RIOK1: variants seen among roughly 807,000 people sequenced by gnomAD.
RIOK1 encodes the protein RIO kinase 1.
Under a neutral mutation model 73.5 loss-of-function variants are expected in RIOK1, and 66 were observed. The ratio of observed to expected loss-of-function variants is 0.90; its 90% confidence interval spans 0.74 to 1.10. The LOEUF is 1.10. Among genes scored for constraint, RIOK1 ranks in the 50% least tolerant of loss-of-function variants. The pLI is 0.00. For synonymous variants in RIOK1, 224 were observed against 226.8 expected, an observed-to-expected ratio of 0.99 and a Z score of 0.11; for missense variants, 658 against 699.8, an observed-to-expected ratio of 0.94 and a Z score of 0.67.
chr6:7,399,493 C>T (rs561372710), intron 5 of RIOK1, among the ~76,000 whole-genome samples: 2 of 152,270 alleles, frequency 1.3e-5, no homozygotes, highest in East Asian at 3.9e-4. Context: ...GTTTCAAAGA[C>T]CCTAAATAAC....
intron 12 of RIOK1, among the ~76,000 whole-genome samples, chr6:7,408,790 C>T (rs571988393): frequency 4.7e-5 from 7 of 150,030 alleles, no homozygotes; most frequent in South Asian, 2.1e-4. Context: ...GGGGCAATCT[C>T]GGCTCACTGC....
At chr6:7,406,343 A>G (rs1761746395) in intron 12 of RIOK1, among the ~76,000 whole-genome samples, 1 of 152,140 alleles carries the variant, frequency 6.6e-6, no homozygotes, top group Non-Finnish European at 1.5e-5. Context: ...CTGGTAAAAG[A>G]CATAATATAA....
rs76711000 is a variant in RIOK1, at chr6:7,413,653, A to G, written c.1444-585A>G. Reference sequence around the variant, plus strand: ...ATGCTTTGGATTCCAGAGCATGAAGATTTTATTGCAGCAAGCTAGAAAATC... The same window carrying G: ...ATGCTTTGGATTCCAGAGCATGAAGGTTTTATTGCAGCAAGCTAGAAAATC... On this transcript the variant is annotated intron_variant, in intron 15 of 16. Transcript: ENST00000379834. Among the ~76,000 whole-genome samples the G allele has an allele frequency of 3.5e-4, 54 of 152,314 alleles. 1 individual carries two copies. The East Asian group carries it at 0.01, about 29-fold the overall frequency.
chr6:7,393,735 A>G (rs992330753), intron 2 of RIOK1, among the ~76,000 whole-genome samples: 2 of 152,250 alleles, frequency 1.3e-5, no homozygotes, highest in Non-Finnish European at 2.9e-5. Context: ...ACTTACTTGT[A>G]GGATAAGCTG....
At chr6:7,391,096 G>T (rs948363952) in intron 1 of RIOK1, among the ~76,000 whole-genome samples, 2 of 152,130 alleles carry the variant, frequency 1.3e-5, no homozygotes, top group African/African-American at 4.8e-5. Context: ...AAACATATTG[G>T]AGTTATTTTG....
chr6:7,404,951 G>A lies in RIOK1; in HGVS notation c.1026G>A (p.Val342=), dbSNP rs372026063. 1 of 1,614,170 alleles carries A rather than the reference G, an allele frequency of 6.2e-7. No individual in the cohort carries two copies. Residue 342 remains valine (V), a synonymous_variant, in exon 11 of 17, where the codon GTG becomes GTA. Coordinates refer to ENST00000379834, the MANE Select transcript of RIOK1 (RefSeq NM_031480.3). ...GTGGAGGCGTGTATATCATTGACGTGTCTCAGTCCGTGGAGCACGACCACC... is the reference window on the plus strand; with the variant it reads ...GTGGAGGCGTGTATATCATTGACGTATCTCAGTCCGTGGAGCACGACCACC... ...YHGGGVYIID[V]SQSVEHDHPH... is the part of the protein sequence containing the mutation.
chr6:7,414,639 T>G (rs565242965), intron 16 of RIOK1, among the ~76,000 whole-genome samples: 26 of 152,276 alleles, frequency 1.7e-4, no homozygotes, highest in Admixed American at 3.3e-4. Flanking sequence ...ACATTTCACA[T>G]GAAGTACAAG....
At chr6:7,400,882 T>C in intron 5 of RIOK1, 76 bp from the exon 6 acceptor site, 1 of 817,806 alleles carries the variant, frequency 1.2e-6, no homozygotes, top group South Asian at 1.5e-5. Context: ...CTGCTGTTTA[T>C]TGATTGTCAC....
In RIOK1 at chr6:7,402,585, T is replaced by C. The variant is rs773873997; in HGVS notation, c.574-18T>C. On this transcript the variant is annotated intron_variant, in intron 6 of 16. Transcript: ENST00000379834. ...TTTAACATAAACTTCATTTTCTTTT[T>C]TTTTTGACTTAATATAGGCTAATGT... is the stretch of plus-strand genomic sequence containing the variant. 3.2e-6 allele frequency: 5 copies of C among 1,548,864 alleles called. No individual in the cohort carries two copies. Among genetic ancestry groups the C allele is most frequent in the Non-Finnish European group, 3.5e-6 (4 of 1,150,410 alleles).
Position 7,412,929 on chromosome 6 carries a change from C to A in RIOK1, c.1430C>A (p.Ser477Ter). The A allele has an allele frequency of 1.9e-6, 3 of 1,557,260 alleles. No homozygotes were observed. The highest frequency in any genetic ancestry group is 1.2e-5 in the South Asian group (1 of 81,622). ...GTTACAGGATTGAAGAAAGATTTGT[C>A]AGGAGTTCAGAAGGTATGAAGAACA... is the stretch of plus-strand genomic sequence containing the variant. Reference protein sequence around the residue: ...QTVTGLKKDLSGVQKVPALLE... With the variant: ...QTVTGLKKDL The change falls in exon 15 of 17, where the codon TCA becomes TAA. Residue 477 changes from serine (S) to a stop codon, truncating the protein, a stop_gained. Transcript: ENST00000379834. LOFTEE classifies it high-confidence loss of function.
chr6:7,395,067 C>T lies in RIOK1; in HGVS notation c.291C>T (p.Thr97=). 1 of 1,613,842 alleles carries T rather than the reference C, an allele frequency of 6.2e-7. No individual in the cohort carries two copies. Among genetic ancestry groups the T allele is most frequent in the East Asian group, 2.2e-5 (1 of 44,880 alleles). ...TTCCCTTCTAGGCAAATCGACAGAC[C>T]TCCGACAGCAGTTCAGCCAAAATGT... ...GGSNPQANRQ[T]SDSSSAKMST... The change falls in exon 3 of 17, where the codon ACC becomes ACT. Residue 97 remains threonine (T), a synonymous_variant. Transcript: ENST00000379834.
intron 1 of RIOK1, among the ~76,000 whole-genome samples, chr6:7,392,405 T>C (rs757290584): frequency 1.3e-5 from 2 of 152,202 alleles, no homozygotes; most frequent in Non-Finnish European, 2.9e-5. Context: ...CAGGGATGAT[T>C]TGGATTTCTT....
At chr6:7,405,790 C>T (rs10458210) in intron 12 of RIOK1, among the ~76,000 whole-genome samples, 61,617 of 142,496 alleles carry the variant, frequency 0.43, 15,106 homozygotes, top group South Asian at 0.58. Flanking sequence ...TTTTTTTTTT[C>T]CTTTTTTTTT....
chr6:7,410,277 A>G (rs1761854983), intron 12 of RIOK1, 109 bp from the exon 13 acceptor site: 1 of 719,116 alleles, frequency 1.4e-6, no homozygotes. Context: ...CCTAAGTGTG[A>G]GGAGGTGATA....
intron 8 of RIOK1, among the ~76,000 whole-genome samples, chr6:7,403,599 A>C (rs935151014): frequency 6.6e-6 from 1 of 152,236 alleles, no homozygotes; most frequent in Non-Finnish European, 1.5e-5. Flanking sequence ...ATTTTTATTA[A>C]GCATTTTTCA....
chr6:7,416,372 G>A (rs1761999917), intron 16 of RIOK1, among the ~76,000 whole-genome samples: 1 of 152,204 alleles, frequency 6.6e-6, no homozygotes, highest in African/African-American at 2.4e-5. Context: ...AGCTCAGCTG[G>A]GCGCGGTGGC....
Position 7,417,391 on chromosome 6 carries a change from C to A in RIOK1, c.1657C>A (p.His553Asn). The change falls in exon 17 of 17, where the codon CAT (histidine) becomes AAT (asparagine). Residue 553 changes from histidine to asparagine, a missense_variant. His to Asn is a moderately conservative substitution (Grantham distance 68, BLOSUM62 1). Coordinates refer to ENST00000379834, the MANE Select transcript of RIOK1 (RefSeq NM_031480.3). ...REKRKNKIPK[H>N]VKKRKEKTAK... Reference sequence around the variant, plus strand: ...GAAAAGAAAAAACAAAATTCCTAAACATGTGAAAAAAAGAAAGGAGAAGAC... The same window carrying A: ...GAAAAGAAAAAACAAAATTCCTAAAAATGTGAAAAAAAGAAAGGAGAAGAC... 1 of 1,568,854 alleles carries A rather than the reference C, an allele frequency of 6.4e-7. No homozygotes were observed. Among genetic ancestry groups the A allele is most frequent in the Non-Finnish European group, 8.6e-7 (1 of 1,156,536 alleles).
At chr6:7,391,560 T>C (rs1761341462) in intron 1 of RIOK1, among the ~76,000 whole-genome samples, 1 of 152,124 alleles carries the variant, frequency 6.6e-6, no homozygotes, top group African/African-American at 2.4e-5. Context: ...TTAATGGTAA[T>C]GAGAGGGCAC....
intron 16 of RIOK1, among the ~76,000 whole-genome samples, chr6:7,417,040 TCGAGACCAGC>T (rs1762022234): frequency 6.6e-6 from 1 of 151,922 alleles, no homozygotes; most frequent in African/African-American, 2.4e-5. Context: ...GCCCAGGAGG[TCGAGACCAGC>T]CTGTGCAATC....
Sources: allele counts gnomAD v4.1 joint callset (sites outside exome capture counted in the v4.1 genomes callset), GRCh38; gene constraint gnomAD v4.1.1; transcripts MANE v1.5; gene names NCBI Gene and HGNC (gene_info 2026-07-23, HGNC 2026-07-21).